KCNH8: variants seen among roughly 807,000 people sequenced by gnomAD.
KCNH8 encodes the protein voltage-gated delayed rectifier potassium channel KCNH8.
In KCNH8, 70 loss-of-function variants were observed where a neutral mutation model predicts 103.6. The ratio of observed to expected loss-of-function variants is 0.68; its 90% CI spans 0.56 to 0.82. The LOEUF (loss-of-function observed/expected upper bound fraction) is 0.82. KCNH8 is among the 40% of genes least tolerant of loss of function. KCNH8 has a pLI of 0.00. For synonymous variants in KCNH8, 498 were observed against 489.4 expected (o/e 1.02, Z -0.23); for missense variants, 1,217 against 1,329.9 (o/e 0.92, Z 1.32).
chr3:19,426,855 G>C (rs766499477), intron 7 of KCNH8, among the ~76,000 whole-genome samples: 2 of 151,982 alleles, frequency 1.3e-5, no homozygotes, highest in African/African-American at 4.8e-5. Flanking sequence ...CTATACGTTT[G>C]CTCTTTAGTC....
intron 1 of KCNH8, among the ~76,000 whole-genome samples, chr3:19,159,326 AAATAT>A (rs1380799335): frequency 6.6e-6 from 1 of 151,744 alleles, no homozygotes; most frequent in Non-Finnish European, 1.5e-5. Context: ...ATATACACAC[AAATAT>A]AATATAGTGT....
At position 19,277,104 on chromosome 3, in the gene KCNH8, A is replaced by G. The variant is rs566138150; in HGVS notation, c.311-4094A>G. Among the ~76,000 whole-genome samples, 152 of 152,222 alleles carry G rather than the reference A, an allele frequency of 1.0e-3. 1 individual carries two copies. The highest frequency in any genetic ancestry group is 3.0e-3 in the African/African-American group (125 of 41,538). ...TGAGTGACAGAAGTCAAGCACAGAAAGACAAATATTGCATGTTCTCATTCA... is the reference window on the plus strand; with the variant it reads ...TGAGTGACAGAAGTCAAGCACAGAAGGACAAATATTGCATGTTCTCATTCA... On this transcript the variant is annotated intron_variant, in intron 2 of 15. Transcript: ENST00000328405.
At chr3:19,154,967 A>T (rs556703502) in intron 1 of KCNH8, among the ~76,000 whole-genome samples, 1 of 152,240 alleles carries the variant, frequency 6.6e-6, no homozygotes, top group African/African-American at 2.4e-5. Context: ...AACTTCACCT[A>T]TGACCTAGTT....
intron 11 of KCNH8, among the ~76,000 whole-genome samples, chr3:19,502,460 G>C (rs6769387): frequency 3.3e-5 from 5 of 151,188 alleles, no homozygotes; most frequent in Non-Finnish European, 7.4e-5. Flanking sequence ...AGCCCGCATC[G>C]CCAAGTCAAT....
intron 1 of KCNH8, among the ~76,000 whole-genome samples, chr3:19,247,432 C>T (rs2064220553): frequency 6.6e-6 from 1 of 152,176 alleles, no homozygotes; most frequent in Non-Finnish European, 1.5e-5. Context: ...CCAGAAATGA[C>T]TGTGTTCAAT....
chr3:19,477,004 A>T (rs1363960290), intron 11 of KCNH8, among the ~76,000 whole-genome samples: 1 of 152,176 alleles, frequency 6.6e-6, no homozygotes, highest in African/African-American at 2.4e-5. Flanking sequence ...AAGCATATGA[A>T]GGGACTGAGA....
At chr3:19,443,899 T>C (rs995475676) in intron 8 of KCNH8, among the ~76,000 whole-genome samples, 1 of 152,090 alleles carries the variant, frequency 6.6e-6, no homozygotes, top group African/African-American at 2.4e-5. Context: ...AATGGAAGGA[T>C]GTACAATGGT....
chr3:19,518,120 A>G (rs751098765), intron 15 of KCNH8, 46 bp downstream of exon 15: 5 of 1,457,244 alleles, frequency 3.4e-6, no homozygotes, highest in Non-Finnish European at 4.8e-6. Context: ...AAGAGGAGAT[A>G]TAAATCCTAG....
In KCNH8 at chr3:19,533,774, T is replaced by A. The variant is rs547636747; in HGVS notation, c.2999T>A (p.Val1000Asp). The change falls in exon 16 of 16, where the codon GTT becomes GAT. Residue 1000 changes from valine (V) to aspartate (D), a missense_variant. Val to Asp is a radical substitution (Grantham distance 152, BLOSUM62 -3). Coordinates refer to ENST00000328405, the MANE Select transcript of KCNH8 (RefSeq NM_144633.3). ...GATTATTCACCTTCCCACTACCAGG[T>A]TGTCCAAGAAGGTCATTTGCAATTT... ...SLDYSPSHYQ[V>D]VQEGHLQFLR... The A allele has an allele frequency of 3.0e-5, 48 of 1,614,174 alleles. No homozygotes were observed. The African/African-American group carries it at 5.6e-4, about 19-fold the overall frequency.
chr3:19,169,347 C>T (rs879286517), intron 1 of KCNH8, among the ~76,000 whole-genome samples: 3 of 151,700 alleles, frequency 2.0e-5, no homozygotes, highest in Non-Finnish European at 4.4e-5. Context: ...CAAGCTCCGC[C>T]TCCCGGGTTC....
At chr3:19,309,312 C>G (rs958452833) in intron 3 of KCNH8, among the ~76,000 whole-genome samples, 7 of 151,806 alleles carry the variant, frequency 4.6e-5, no homozygotes, top group African/African-American at 1.7e-4. Context: ...TGCAAGTTAC[C>G]AAGGGATGGA....
At chr3:19,216,891 T>C (rs565227773) in intron 1 of KCNH8, among the ~76,000 whole-genome samples, 37 of 152,066 alleles carry the variant, frequency 2.4e-4, no homozygotes, top group African/African-American at 8.4e-4. Flanking sequence ...CCAGGAAGGG[T>C]GAGGAAGGAG....
chr3:19,420,330 T>C (rs1172682343), intron 7 of KCNH8, among the ~76,000 whole-genome samples: 1 of 152,214 alleles, frequency 6.6e-6, no homozygotes, highest in Non-Finnish European at 1.5e-5. Flanking sequence ...GTGACTGAAC[T>C]GCTTGCAGTC....
At chr3:19,412,839 A>G (rs2066802218) in intron 7 of KCNH8, among the ~76,000 whole-genome samples, 1 of 152,048 alleles carries the variant, frequency 6.6e-6, no homozygotes, top group African/African-American at 2.4e-5. Context: ...ATCTCACACC[A>G]GTCAGAATGG....
At chr3:19,305,876 G>C (rs1255677970) in intron 3 of KCNH8, among the ~76,000 whole-genome samples, 1 of 152,036 alleles carries the variant, frequency 6.6e-6, no homozygotes, top group African/African-American at 2.4e-5. Context: ...TGTGTGGTTA[G>C]GGGATGGGAT....
intron 5 of KCNH8, among the ~76,000 whole-genome samples, chr3:19,370,846 G>A (rs923549459): frequency 6.6e-6 from 1 of 150,910 alleles, no homozygotes; most frequent in Non-Finnish European, 1.5e-5. Context: ...ACCTATGAGT[G>A]AGAATATGCG....
chr3:19,441,867 C>T (rs531095838), intron 8 of KCNH8, among the ~76,000 whole-genome samples: 21 of 152,210 alleles, frequency 1.4e-4, no homozygotes, highest in African/African-American at 2.4e-5. Flanking sequence ...CAATGGATCA[C>T]GCAGCATACA....
rs1013039083 is a variant in KCNH8 at position 19,385,459 on chromosome 3, G to A, written c.812-5022G>A. Among the ~76,000 whole-genome samples the A allele has an allele frequency of 6.6e-5, 10 of 152,046 alleles. No individual in the cohort carries two copies. The East Asian group carries it at 9.6e-4, about 15-fold the overall frequency. On this transcript the variant is annotated intron_variant, in intron 5 of 15. Coordinates refer to ENST00000328405, the MANE Select transcript of KCNH8 (RefSeq NM_144633.3). ...AAAAGCCAATACCAGCATCAACTATGCCTCAATCTACCTGATTGCCCTTTG... is the reference window on the plus strand; with the variant it reads ...AAAAGCCAATACCAGCATCAACTATACCTCAATCTACCTGATTGCCCTTTG...
intron 3 of KCNH8, among the ~76,000 whole-genome samples, chr3:19,317,120 A>C (rs1411925944): frequency 1.3e-5 from 2 of 151,860 alleles, no homozygotes; most frequent in Non-Finnish European, 2.9e-5. Context: ...TTCTATAAGC[A>C]AAAGGGGGTC....
Sources: gnomAD v4.1 joint callset for allele counts (sites outside exome capture counted in the v4.1 genomes callset) on GRCh38, gnomAD v4.1.1 for gene constraint, MANE v1.5 for transcripts, NCBI Gene and HGNC (gene_info 2026-07-23, HGNC 2026-07-21) for gene names.